The following GALNT7 variants were observed in gnomAD, a reference collection of about 807,000 sequenced individuals.
GALNT7 encodes N-acetylgalactosaminyltransferase 7.
GALNT7 carries 60 observed loss-of-function variants against 82.1 expected under a neutral mutation model. The observed-to-expected ratio is 0.73, with a 90% CI of 0.59 to 0.91. The LOEUF is 0.91. Ranked by LOEUF, GALNT7 falls within the 40% of genes least tolerant of loss-of-function variation. The pLI, the probability that GALNT7 is intolerant of heterozygous loss-of-function variation, is 0.00. For missense variants in GALNT7, 660 were observed against 804.2 expected (o/e 0.82, Z 2.17); for synonymous variants, 243 against 275.1 (o/e 0.88, Z 1.15).
rs1312754087 is a variant in GALNT7, at chr4:173,306,988, G to A, written c.1389+2870G>A. On this transcript the variant is annotated intron_variant, in intron 8 of 11. Transcript: ENST00000265000. ...GAGGGTACTTGCTTGGTGGGATATA[G>A]CAGTTCTGGGACTACTGAGGATACC... is the stretch of plus-strand genomic sequence containing the variant. Among the ~76,000 whole-genome samples the A allele has an allele frequency of 6.6e-5, 10 of 152,328 alleles. 1 individual carries two copies. The highest frequency in any genetic ancestry group is 2.4e-4 in the African/African-American group (10 of 41,580).
intron 2 of GALNT7, among the ~76,000 whole-genome samples, chr4:173,249,325 A>G (rs1300974754): frequency 2.0e-5 from 3 of 152,208 alleles, no homozygotes; most frequent in African/African-American, 7.2e-5. Context: ...ATGCATGTAC[A>G]CACACACACT....
At position 173,321,961 on chromosome 4, in the gene GALNT7, T is replaced by C. The variant is rs1209478879; in HGVS notation, c.*244T>C. On this transcript the variant is annotated 3_prime_UTR_variant, in exon 12 of 12. Transcript: ENST00000265000. ...GATGTTTACATCTTTTTGTTGTGTT[T>C]TAAGATGATGTTGGTAATTTGTGCC... The C allele has an allele frequency of 6.0e-6, 2 of 335,700 alleles. No homozygotes were observed. Among genetic ancestry groups the C allele is most frequent in the African/African-American group, 2.1e-5 (1 of 48,034 alleles). The allele number at this position is 335,700 out of a possible 1,614,324, so 20.8% of individuals were successfully genotyped here. A position where few individuals can be genotyped will look rare whatever the true frequency, so the allele number is the denominator to read the frequency against.
intron 1 of GALNT7, among the ~76,000 whole-genome samples, chr4:173,227,452 C>A: frequency 6.6e-6 from 1 of 152,236 alleles, no homozygotes; most frequent in East Asian, 1.9e-4. Context: ...CTGCCTCAGC[C>A]TCCCCAGTAG....
intron 1 of GALNT7, among the ~76,000 whole-genome samples, chr4:173,175,520 T>A (rs901879241): frequency 4.6e-5 from 7 of 152,188 alleles, no homozygotes; most frequent in African/African-American, 1.4e-4. Context: ...CAAGTACACA[T>A]GGGCTACATT....
chr4:173,218,560 T>A (rs1174179977), intron 1 of GALNT7, among the ~76,000 whole-genome samples: 1 of 152,070 alleles, frequency 6.6e-6, no homozygotes, highest in Non-Finnish European at 1.5e-5. Context: ...TGAAGGAAAT[T>A]ATGCACAGGT....
chr4:173,233,205 C>G (rs1360486688), intron 1 of GALNT7, among the ~76,000 whole-genome samples: 1 of 152,178 alleles, frequency 6.6e-6, no homozygotes, highest in Non-Finnish European at 1.5e-5. Context: ...CATGACAGTG[C>G]AGGTATCCTT....
At chr4:173,220,657 C>T (rs1733615886) in intron 1 of GALNT7, among the ~76,000 whole-genome samples, 1 of 118,842 alleles carries the variant, frequency 8.4e-6, no homozygotes. Context: ...CCCCCTCCCC[C>T]CACCCCACAA....
At chr4:173,270,418 A>G (rs1411823493) in intron 2 of GALNT7, among the ~76,000 whole-genome samples, 3 of 152,142 alleles carry the variant, frequency 2.0e-5, no homozygotes, top group Non-Finnish European at 4.4e-5. Flanking sequence ...TTTAGGGGAT[A>G]ATTGATGTTC....
intron 2 of GALNT7, among the ~76,000 whole-genome samples, chr4:173,284,814 A>G (rs1389076132): frequency 6.6e-6 from 1 of 152,154 alleles, no homozygotes; most frequent in African/African-American, 2.4e-5. Flanking sequence ...GTCTACTATT[A>G]ATGTTAACCC....
intron 1 of GALNT7, among the ~76,000 whole-genome samples, chr4:173,205,361 A>C (rs1315353160): frequency 6.7e-6 from 1 of 150,264 alleles, no homozygotes; most frequent in Admixed American, 6.6e-5. Context: ...CCTGGTACCT[A>C]AGTCTGCAGG....
At chr4:173,317,591 C>T in intron 9 of GALNT7, 43 bp from the exon 10 acceptor site, 2 of 1,217,222 alleles carry the variant, frequency 1.6e-6, no homozygotes, top group Non-Finnish European at 2.4e-6. Flanking sequence ...TCATCAAAAA[C>T]TAAACTGTTG....
chr4:173,278,039 T>G (rs1735979756), intron 2 of GALNT7, among the ~76,000 whole-genome samples: 1 of 152,326 alleles, frequency 6.6e-6, no homozygotes, highest in East Asian at 1.9e-4. Flanking sequence ...AATACTACCT[T>G]ATATTTTTCA....
At chr4:173,318,776 A>G (rs1283728473) in intron 11 of GALNT7, 6 of 390,472 alleles carry the variant, frequency 1.5e-5, no homozygotes, top group African/African-American at 1.1e-4. Flanking sequence ...TTGTCATGTA[A>G]TGAGGCCACG....
intron 1 of GALNT7, among the ~76,000 whole-genome samples, chr4:173,224,655 A>G (rs925969467): frequency 6.6e-6 from 1 of 152,192 alleles, no homozygotes; most frequent in Non-Finnish European, 1.5e-5. Flanking sequence ...TTGAATTACA[A>G]TAAAATTCTG....
chr4:173,221,018 G>A (rs1287826445), intron 1 of GALNT7, among the ~76,000 whole-genome samples: 1 of 151,436 alleles, frequency 6.6e-6, no homozygotes, highest in Non-Finnish European at 1.5e-5. Flanking sequence ...TATATACCCA[G>A]TAATGGGATG....
intron 2 of GALNT7, among the ~76,000 whole-genome samples, chr4:173,274,175 A>G (rs1291736347): frequency 6.6e-6 from 1 of 152,142 alleles, no homozygotes; most frequent in Non-Finnish European, 1.5e-5. Flanking sequence ...TTTTTTCTCT[A>G]AATTGTGGTT....
At chr4:173,205,833 A>G (rs1733073721) in intron 1 of GALNT7, among the ~76,000 whole-genome samples, 1 of 150,236 alleles carries the variant, frequency 6.7e-6, no homozygotes, top group Non-Finnish European at 1.5e-5. Flanking sequence ...CCTCATGACT[A>G]GGGCTGCAGG....
intron 1 of GALNT7, among the ~76,000 whole-genome samples, chr4:173,227,869 G>A (rs1311200053): frequency 1.1e-4 from 16 of 152,066 alleles, no homozygotes; most frequent in Admixed American, 9.8e-4. Flanking sequence ...GCTACCCCAA[G>A]TTTGGTTGTG....
chr4:173,295,042 T>C (rs1736670991), intron 3 of GALNT7, among the ~76,000 whole-genome samples: 1 of 152,208 alleles, frequency 6.6e-6, no homozygotes, highest in Non-Finnish European at 1.5e-5. Flanking sequence ...CCCTAACCAT[T>C]GCTTCTGTCA....
Sources: allele counts gnomAD v4.1 joint callset (sites outside exome capture counted in the v4.1 genomes callset), GRCh38; gene constraint gnomAD v4.1.1; transcripts MANE v1.5; gene names NCBI Gene and HGNC (gene_info 2026-07-23, HGNC 2026-07-21).